Variants in ABLIM1 observed in about 807,000 individuals in gnomAD.
ABLIM1 encodes actin-binding LIM protein 1.
Under a neutral mutation model 107.0 loss-of-function variants are expected in ABLIM1, and 40 were observed. That is an observed-to-expected ratio of 0.37 (90% CI 0.29 to 0.49). ABLIM1 has a LOEUF of 0.49. Ranked by LOEUF, ABLIM1 falls within the 20% of genes least tolerant of loss-of-function variation. ABLIM1 has a pLI of 0.97. For missense variants in ABLIM1, 857 were observed against 1,008.5 expected, an observed-to-expected ratio of 0.85 and a Z score of 2.04; for synonymous variants, 357 against 357.3, an observed-to-expected ratio of 1.00 and a Z score of 0.01.
At chr10:114,566,820 G>A (rs1461040215) in intron 4 of ABLIM1, among the ~76,000 whole-genome samples, 3 of 152,156 alleles carry the variant, frequency 2.0e-5, no homozygotes, top group African/African-American at 7.2e-5. Flanking sequence ...AGGCTGACGC[G>A]GGCAGATCAC....
chr10:114,462,477 G>A (rs1383225851), intron 12 of ABLIM1, among the ~76,000 whole-genome samples: 2 of 152,134 alleles, frequency 1.3e-5, no homozygotes, highest in Non-Finnish European at 2.9e-5. Context: ...GAAAACAGAA[G>A]GCAAAGCCTC....
chr10:114,453,332 T>C (rs1422981237), intron 13 of ABLIM1, 47 bp downstream of exon 13: 3 of 1,587,162 alleles, frequency 1.9e-6, no homozygotes. Flanking sequence ...AAGGCTACAT[T>C]CTACACTGTG....
intron 1 of ABLIM1, among the ~76,000 whole-genome samples, chr10:114,667,743 T>A (rs2080086150): frequency 6.6e-6 from 1 of 152,196 alleles, no homozygotes; most frequent in Non-Finnish European, 1.5e-5. Flanking sequence ...ATTCCAGAAC[T>A]TCATATAAAT....
chr10:114,438,102 G>C (rs1016874392), intron 21 of ABLIM1, among the ~76,000 whole-genome samples, 178 bp from the exon 22 acceptor site: 1 of 152,172 alleles, frequency 6.6e-6, no homozygotes. Flanking sequence ...AGGGGACAGG[G>C]ACAGAATCTT....
chr10:114,589,217 G>GTTT (rs780535293), intron 2 of ABLIM1, among the ~76,000 whole-genome samples: 8 of 136,170 alleles, frequency 5.9e-5, no homozygotes, highest in African/African-American at 1.4e-4. Context: ...GTGTGTGTGT[G>GTTT]TTTTTTTTTT....
At chr10:114,724,921 A>G (rs2081926190) in intron 1 of ABLIM1, among the ~76,000 whole-genome samples, 1 of 152,212 alleles carries the variant, frequency 6.6e-6, no homozygotes, top group Admixed American at 6.5e-5. Context: ...CAGGCAGTAA[A>G]TAGGCCTGCT....
intron 4 of ABLIM1, among the ~76,000 whole-genome samples, chr10:114,557,215 A>G (rs908817839): frequency 9.2e-5 from 14 of 152,322 alleles, no homozygotes; most frequent in African/African-American, 2.9e-4. Context: ...GACCGTGCAT[A>G]ATCACCCATG....
chr10:114,756,756 T>A (rs1386882228), intron 1 of ABLIM1, among the ~76,000 whole-genome samples: 1 of 152,218 alleles, frequency 6.6e-6, no homozygotes, highest in East Asian at 1.9e-4. Flanking sequence ...AAATTCCACT[T>A]GTTCTTCAAG....
At chr10:114,688,247 T>C (rs1304980756), upstream of ABLIM1, among the ~76,000 whole-genome samples, 1 of 152,238 alleles carries the variant, frequency 6.6e-6, no homozygotes, top group African/African-American at 2.4e-5. Context: ...TTTTTGTGAC[T>C]GGAAATGAAA....
intron 1 of ABLIM1, among the ~76,000 whole-genome samples, chr10:114,728,513 C>A (rs1437837319): frequency 4.3e-5 from 2 of 46,526 alleles, no homozygotes; most frequent in African/African-American, 7.5e-5. Flanking sequence ...TACGATAAGG[C>A]AGTAAAAAAA....
At chr10:114,680,628 C>T (rs189101963) in intron 1 of ABLIM1, among the ~76,000 whole-genome samples, 9 of 152,238 alleles carry the variant, frequency 5.9e-5, no homozygotes, top group African/African-American at 9.6e-5. Flanking sequence ...TCAGATCTGC[C>T]CCTTCTAACC....
rs577240817 is a variant in ABLIM1 at position 114,628,274 on chromosome 10, G to A, written c.245-26313C>T. Among the ~76,000 whole-genome samples, 8 of 152,368 alleles carry A rather than the reference G, an allele frequency of 5.3e-5. No individual in the cohort carries two copies. In the South Asian group the frequency reaches 6.2e-4, roughly 12 times the overall value. On this transcript the variant is annotated intron_variant, in intron 1 of 22. Transcript: ENST00000533213. ...TTCTCAAACTGGAGCAATCCTGCTCGCCAAAGGGCATTTGCTAATGTCTGG... is the reference window on the plus strand; with the variant it reads ...TTCTCAAACTGGAGCAATCCTGCTCACCAAAGGGCATTTGCTAATGTCTGG...
chr10:114,472,026 G>A (rs893205517), intron 10 of ABLIM1, among the ~76,000 whole-genome samples: 2 of 151,900 alleles, frequency 1.3e-5, no homozygotes, highest in Non-Finnish European at 2.9e-5. Context: ...AAGGGGCTGA[G>A]AGGCTCTGGT....
chr10:114,565,388 T>G (rs945872030), intron 4 of ABLIM1, among the ~76,000 whole-genome samples: 10 of 152,262 alleles, frequency 6.6e-5, no homozygotes, highest in African/African-American at 2.4e-4. Context: ...GGAACTGTCC[T>G]CCAAGAAAAT....
intron 16 of ABLIM1, 72 bp downstream of exon 16, chr10:114,445,237 ATAG>A: frequency 7.4e-7 from 1 of 1,343,798 alleles, no homozygotes; most frequent in Non-Finnish European, 1.1e-6. Flanking sequence ...TGGTTTATAC[ATAG>A]TAGTCATTCA....
At chr10:114,779,721 A>G in the ABLIM1 span, 4 of 152,208 alleles carry the variant, frequency 2.6e-5, no homozygotes, top group East Asian at 7.7e-4. Context: ...TAGTATGGAT[A>G]TATTCCATAG....
At position 114,629,240 on chromosome 10, in the gene ABLIM1, A is replaced by AGTG. The variant is rs2078013830; in HGVS notation, c.245-27282_245-27280dup. Among the ~76,000 whole-genome samples, 1 of 152,182 alleles carries AGTG rather than the reference A, an allele frequency of 6.6e-6. No homozygotes were observed. Among genetic ancestry groups the AGTG allele is most frequent in the Non-Finnish European group, 1.5e-5 (1 of 68,024 alleles). ...TAGAGAGAAAACTATGAGGCAAGCC[A>AGTG]GTGTGAGCTCTAAGTGGCAAGCACA... On this transcript the variant is annotated intron_variant, in intron 1 of 22. Transcript: ENST00000533213. This position sits in a 1 kb window ranked among gnomAD's most constrained non-coding sequence, Gnocchi z 4.0.
At chr10:114,685,355 C>A (rs1448621511), upstream of ABLIM1, among the ~76,000 whole-genome samples, 1 of 152,122 alleles carries the variant, frequency 6.6e-6, no homozygotes, top group Non-Finnish European at 1.5e-5. Context: ...AAAGATGTAA[C>A]CAGCAGCACC....
intron 1 of ABLIM1, among the ~76,000 whole-genome samples, chr10:114,757,369 CT>C (rs1468546005): frequency 2.0e-5 from 3 of 152,158 alleles, no homozygotes; most frequent in African/African-American, 4.8e-5. Flanking sequence ...TTTTCTCTAA[CT>C]GTAAAATAGG....
Sources: allele counts gnomAD v4.1 joint callset (sites outside exome capture counted in the v4.1 genomes callset), GRCh38; gene constraint gnomAD v4.1.1; non-coding constraint Gnocchi (gnomAD v3.1); transcripts MANE v1.5; gene names NCBI Gene and HGNC (gene_info 2026-07-23, HGNC 2026-07-21).